Variants in CSF3R observed in about 807,000 individuals in gnomAD.
CSF3R encodes the protein colony stimulating factor 3 receptor.
Under a neutral mutation model 84.4 loss-of-function variants are expected in CSF3R, and 52 were observed. That is an observed-to-expected ratio of 0.62 (90% CI 0.49 to 0.78). The LOEUF is 0.78. CSF3R is among the 30% of genes least tolerant of loss of function. The pLI is 0.00. For synonymous variants in CSF3R, 384 were observed against 429.1 expected, an observed-to-expected ratio of 0.89 and a Z score of 1.30; for missense variants, 890 against 1,055.7, an observed-to-expected ratio of 0.84 and a Z score of 2.17.
chr1:36,468,471 T>C, intron 12 of CSF3R: 1 of 411,498 alleles, frequency 2.4e-6, no homozygotes, highest in Non-Finnish European at 4.3e-6. Context: ...CAGGCCTGAT[T>C]TCATCTGATT....
intron 3 of CSF3R, among the ~76,000 whole-genome samples, chr1:36,477,997 A>T (rs1651269342): frequency 6.6e-6 from 1 of 151,408 alleles, no homozygotes; most frequent in African/African-American, 2.4e-5. Context: ...TGACCTTGTG[A>T]TCCACCCGCC....
chr1:36,482,306 G>C (rs201648111), intron 1 of CSF3R, among the ~76,000 whole-genome samples: 6 of 31,268 alleles, frequency 1.9e-4, no homozygotes, highest in East Asian at 4.1e-3. Flanking sequence ...GAGAGTGGGC[G>C]GGGGGGGGGC....
chr1:36,480,302 G>A (rs1361450038), intron 2 of CSF3R, among the ~76,000 whole-genome samples: 1 of 152,228 alleles, frequency 6.6e-6, no homozygotes, highest in African/African-American at 2.4e-5. Context: ...GTCAGGTTAT[G>A]CCTGCAGGAA....
At chr1:36,470,996 A>G (rs1278535646) in intron 10 of CSF3R, among the ~76,000 whole-genome samples, 1 of 152,074 alleles carries the variant, frequency 6.6e-6, no homozygotes, top group Non-Finnish European at 1.5e-5. Flanking sequence ...CGGGGATGGG[A>G]GGTAACTTAC....
At position 36,467,876 on chromosome 1, in the gene CSF3R, T is replaced by C; in HGVS notation, c.1810A>G (p.Ser604Gly). The change falls in exon 14 of 17, where the codon AGC (serine) becomes GGC (glycine). Residue 604 changes from serine (S) to glycine (G), a missense_variant. Physicochemically the swap from Ser to Gly is moderately conservative, Grantham distance 56. Coordinates refer to ENST00000373106, the MANE Select transcript of CSF3R (RefSeq NM_000760.4). The surrounding 1 kb of genome is among the most constrained non-coding windows in gnomAD (Gnocchi z 4.1). ...SLYHIHLMAA[S>G]QAGATNSTVL... is the part of the protein sequence containing the mutation. Reference sequence around the variant, plus strand: ...GTACTGTTGGTGGCCCCAGCCTGGCTGGCAGCCATGAGGTGGATGTGATAC... The same window carrying C: ...GTACTGTTGGTGGCCCCAGCCTGGCCGGCAGCCATGAGGTGGATGTGATAC... The C allele has an allele frequency of 8.1e-6, 13 of 1,614,232 alleles. No individual in the cohort carries two copies. Among genetic ancestry groups the C allele is most frequent in the Non-Finnish European group, 1.1e-5 (13 of 1,180,044 alleles).
At chr1:36,475,762 G>T in intron 3 of CSF3R, 89 bp from the exon 4 acceptor site, 1 of 1,312,252 alleles carries the variant, frequency 7.6e-7, no homozygotes, top group South Asian at 1.5e-5. Context: ...AGACTCAGAG[G>T]CCTCACCTTC....
rs1325491809 is a variant in CSF3R at position 36,472,258 on chromosome 1, T to A, written c.977A>T (p.Glu326Val). Residue 326 changes from glutamate to valine, a missense_variant, in exon 8 of 17, where the codon GAG becomes GTG. By Grantham distance (121) the Glu-to-Val change is moderately radical. Coordinates refer to ENST00000373106, the MANE Select transcript of CSF3R (RefSeq NM_000760.4). This position sits in a 1 kb window ranked among gnomAD's most constrained non-coding sequence, Gnocchi z 5.0. The stretch of plus-strand genomic sequence containing the variant: ...CTTACCCCGTTCGGTAGTTCTCAGC[T>A]CCAGGCTGGGGCTCCAGTCGCTCCA... ...GHWSDWSPSL[E>V]LRTTERAPTV... 1 of 1,614,094 alleles carries A rather than the reference T, an allele frequency of 6.2e-7. No homozygotes were observed. The highest frequency in any genetic ancestry group is 2.2e-5 in the East Asian group (1 of 44,852).
rs764603715 is a variant in CSF3R at position 36,466,747 on chromosome 1, C to T, written c.2121G>A (p.Val707=). 6 of 1,614,088 alleles carry T rather than the reference C, an allele frequency of 3.7e-6. No homozygotes were observed. Among genetic ancestry groups the T allele is most frequent in the Non-Finnish European group, 5.1e-6 (6 of 1,180,030 alleles). The change falls in exon 17 of 17, where the codon GTG becomes GTA. Residue 707 remains valine, a synonymous_variant. Coordinates refer to ENST00000373106, the MANE Select transcript of CSF3R (RefSeq NM_000760.4). This position sits in a 1 kb window ranked among gnomAD's most constrained non-coding sequence, Gnocchi z 4.6. ...CTGAGCTGTTATGGGACTCCCAGGG[C>T]ACCGGCTTCTTTTCATCCTCCTCCA... is the stretch of plus-strand genomic sequence containing the variant. The part of the protein sequence containing the change: ...TVLEEDEKKP[V]PWESHNSSET...
chr1:36,477,712 G>A (rs1469874581), intron 3 of CSF3R: 1 of 152,110 alleles, frequency 6.6e-6, no homozygotes, highest in African/African-American at 2.4e-5. Context: ...GGGTCACAGA[G>A]CAAGTTCATG....
chr1:36,474,693 A>G (rs963927446), intron 4 of CSF3R, among the ~76,000 whole-genome samples: 1 of 152,092 alleles, frequency 6.6e-6, no homozygotes, highest in African/African-American at 2.4e-5. Flanking sequence ...CATCCTGCTC[A>G]GTTTGAAAGG....
At chr1:36,474,034 T>A in intron 4 of CSF3R, 147 bp from the exon 5 acceptor site, 1 of 1,251,588 alleles carries the variant, frequency 8.0e-7, no homozygotes. Context: ...AGAGTGGCTC[T>A]GGAAGGGCAG....
At chr1:36,482,318 C>G (rs1436196849) in intron 1 of CSF3R, among the ~76,000 whole-genome samples, 1 of 150,156 alleles carries the variant, frequency 6.7e-6, no homozygotes, top group Non-Finnish European at 1.5e-5. Context: ...GGGGGGGGCA[C>G]TCGGAGGCCT....
At chr1:36,481,778 C>G (rs1162409027) in intron 1 of CSF3R, 1 of 152,536 alleles carries the variant, frequency 6.6e-6, no homozygotes, top group Non-Finnish European at 1.5e-5. Context: ...AGGACTGCCA[C>G]CTTGCTTTTG....
At chr1:36,476,547 A>G (rs1651161186) in intron 3 of CSF3R, among the ~76,000 whole-genome samples, 1 of 151,544 alleles carries the variant, frequency 6.6e-6, no homozygotes, top group Non-Finnish European at 1.5e-5. Context: ...TCTCAGCTCC[A>G]GCTATTCTGG....
intron 11 of CSF3R, 109 bp from the exon 12 acceptor site, chr1:36,469,366 G>A: frequency 1.1e-6 from 1 of 883,172 alleles, no homozygotes; most frequent in Admixed American, 2.0e-5. Context: ...CATGATTCAG[G>A]GTTAACCTCC....
chr1:36,475,035 G>A (rs1293862246), intron 4 of CSF3R, among the ~76,000 whole-genome samples: 1 of 147,782 alleles, frequency 6.8e-6, no homozygotes, highest in Non-Finnish European at 1.5e-5. Flanking sequence ...ACCAAGTTTC[G>A]CTTTTGTTGC....
Position 36,467,694 on chromosome 1 carries a change from G to T in CSF3R, c.1865-43C>A. 1 of 1,611,926 alleles carries T rather than the reference G, an allele frequency of 6.2e-7. No individual in the cohort carries two copies. Among genetic ancestry groups the T allele is most frequent in the Non-Finnish European group, 8.5e-7 (1 of 1,178,006 alleles). On this transcript the variant is annotated intron_variant, in intron 14 of 16. Coordinates refer to ENST00000373106, the MANE Select transcript of CSF3R (RefSeq NM_000760.4). This position sits in a 1 kb window ranked among gnomAD's most constrained non-coding sequence, Gnocchi z 4.1. ...CCGGAAGAAGTTAGAATGCATGTTG[G>T]GAAGGCTGGGTCTCCTCCCTCCGAC...
In CSF3R at chr1:36,474,885, T is replaced by C. The variant is rs75297691; in HGVS notation, c.361+492A>G. On this transcript the variant is annotated intron_variant, in intron 4 of 16. Coordinates refer to ENST00000373106, the MANE Select transcript of CSF3R (RefSeq NM_000760.4). The stretch of plus-strand genomic sequence containing the variant: ...GCAAGTCACTTACCCTCCCTGAACC[T>C]CAGTTTCATCATCTGCAAAGTGAGG... Among the ~76,000 whole-genome samples the C allele has an allele frequency of 3.1e-4, 47 of 152,256 alleles. No individual in the cohort carries two copies. The East Asian group carries it at 8.1e-3, about 26-fold the overall frequency.
chr1:36,466,616 A>G lies in CSF3R; in HGVS notation c.2252T>C (p.Leu751Pro). 1 of 1,613,916 alleles carries G rather than the reference A, an allele frequency of 6.2e-7. No individual in the cohort carries two copies. The highest frequency in any genetic ancestry group is 1.1e-5 in the South Asian group (1 of 91,068). The change falls in exon 17 of 17, where the codon CTT becomes CCT. Residue 751 changes from leucine to proline, a missense_variant. Physicochemically the swap from Leu to Pro is moderately conservative, Grantham distance 98. Transcript: ENST00000373106. This position sits in a 1 kb window ranked among gnomAD's most constrained non-coding sequence, Gnocchi z 4.6. ...GGGGCTGCCCAGCAGCTGCCCATAAAGGACCTGATCGCTGGTGCCAGACTG... is the reference window on the plus strand; with the variant it reads ...GGGGCTGCCCAGCAGCTGCCCATAAGGGACCTGATCGCTGGTGCCAGACTG... ...QSQSGTSDQVLYGQLLGSPTS... is the reference protein window; with the variant it reads ...QSQSGTSDQVPYGQLLGSPTS...
Sources: gnomAD v4.1 joint callset for allele counts (sites outside exome capture counted in the v4.1 genomes callset) on GRCh38, gnomAD v4.1.1 for gene constraint, Gnocchi (gnomAD v3.1) non-coding constraint, MANE v1.5 for transcripts, NCBI Gene and HGNC (gene_info 2026-07-23, HGNC 2026-07-21) for gene names.